The following RGS5 variants were observed in gnomAD, a reference collection of about 807,000 sequenced individuals.
RGS5 encodes the protein regulator of G-protein signalling 5.
Under a neutral mutation model 18.9 loss-of-function variants are expected in RGS5, and 20 were observed. That is an observed-to-expected ratio of 1.06 (90% CI 0.74 to 1.54). The LOEUF (loss-of-function observed/expected upper bound fraction) is 1.54, where lower values mean the gene tolerates loss of function less well. Among genes scored for constraint, RGS5 ranks in the 40% most tolerant of loss-of-function variants. The pLI is 0.00. For synonymous variants in RGS5, 57 were observed against 76.2 expected, an observed-to-expected ratio of 0.75 and a Z score of 1.31; for missense variants, 201 against 211.8, an observed-to-expected ratio of 0.95 and a Z score of 0.32.
At chr1:163,304,978 C>G (rs968132657) in intron 2 of RGS5, 1 of 152,226 alleles carries the variant, frequency 6.6e-6, no homozygotes, top group Non-Finnish European at 1.5e-5. Context: ...TCCAACCATG[C>G]TATCTTAAAC....
At chr1:163,199,276 A>G (rs1659687066) in intron 1 of RGS5, among the ~76,000 whole-genome samples, 1 of 152,176 alleles carries the variant, frequency 6.6e-6, no homozygotes, top group Non-Finnish European at 1.5e-5. Flanking sequence ...TGCCTCTTTA[A>G]ACATATAAAA....
intron 4 of RGS5, among the ~76,000 whole-genome samples, chr1:163,149,705 A>C (rs1158219831): frequency 2.0e-5 from 3 of 152,186 alleles, no homozygotes; most frequent in African/African-American, 7.2e-5. Context: ...AATTTTTACC[A>C]TTGTATCTCT....
At chr1:163,244,924 T>A (rs1019589257) in intron 2 of RGS5, 11 of 152,204 alleles carry the variant, frequency 7.2e-5, no homozygotes, top group Non-Finnish European at 1.5e-4. Context: ...ACTTTTCAGA[T>A]AACACCCACT....
chr1:163,168,168 G>A (rs1232350935), intron 2 of RGS5, 90 bp downstream of exon 2: 2 of 918,294 alleles, frequency 2.2e-6, no homozygotes, highest in Non-Finnish European at 3.5e-6. Flanking sequence ...TAATTGAAGG[G>A]GGTAGTTCTA....
intron 3 of RGS5, among the ~76,000 whole-genome samples, chr1:163,159,068 C>T (rs1657697816): frequency 6.6e-6 from 1 of 152,212 alleles, no homozygotes; most frequent in Non-Finnish European, 1.5e-5. Flanking sequence ...CTCTGTTCCA[C>T]CCGGCTCACC....
At chr1:163,283,284 TTGAA>T (rs1409644240) in intron 2 of RGS5, among the ~76,000 whole-genome samples, 8 of 152,180 alleles carry the variant, frequency 5.3e-5, no homozygotes, top group African/African-American at 1.9e-4. Context: ...AAGACAGGAT[TTGAA>T]TGTTTGAATG....
At chr1:163,163,259 T>G (rs575898997) in intron 2 of RGS5, among the ~76,000 whole-genome samples, 3 of 152,350 alleles carry the variant, frequency 2.0e-5, no homozygotes, top group African/African-American at 7.2e-5. Context: ...GTCCTGATTA[T>G]ATGATTTTTC....
At chr1:163,222,497 G>C (rs1395868902), upstream of RGS5, among the ~76,000 whole-genome samples, 3 of 152,118 alleles carry the variant, frequency 2.0e-5, no homozygotes, top group African/African-American at 7.2e-5. Flanking sequence ...CACCGTGACT[G>C]GTGGACCAAA....
rs974792041 is a variant in RGS5 at position 163,189,852 on chromosome 1, C to G, written c.44+12940G>C. ...TCCTAGAAACAGGAGTCTCATGCAC[C>G]GTGGTACCAAAACCCACTGGTAAAG... On this transcript the variant is annotated intron_variant, in intron 1 of 4. Coordinates refer to ENST00000313961, the MANE Select transcript of RGS5 (RefSeq NM_003617.4). Among the ~76,000 whole-genome samples, 4 of 152,026 alleles carry G rather than the reference C, an allele frequency of 2.6e-5. No homozygotes were observed. In the East Asian group the frequency reaches 7.7e-4, roughly 29 times the overall value.
At chr1:163,308,862 G>C (rs1383588712) in intron 1 of RGS5, among the ~76,000 whole-genome samples, 1 of 152,178 alleles carries the variant, frequency 6.6e-6, no homozygotes, top group African/African-American at 2.4e-5. Flanking sequence ...GTTTCTCAGT[G>C]CATATAAAGA....
At chr1:163,230,979 G>T (rs1327422204) in intron 2 of RGS5, among the ~76,000 whole-genome samples, 1 of 152,068 alleles carries the variant, frequency 6.6e-6, no homozygotes, top group Non-Finnish European at 1.5e-5. Flanking sequence ...GGCAACACTA[G>T]ACTTTAAATG....
upstream of RGS5, among the ~76,000 whole-genome samples, chr1:163,204,177 G>A (rs774727603): frequency 1.3e-5 from 2 of 151,964 alleles, no homozygotes; most frequent in Non-Finnish European, 2.9e-5. Context: ...CAAGTGCATC[G>A]GATGTAAAAA....
At chr1:163,149,092 CATT>C (rs1657270073) in intron 4 of RGS5, among the ~76,000 whole-genome samples, 1 of 152,172 alleles carries the variant, frequency 6.6e-6, no homozygotes, top group Non-Finnish European at 1.5e-5. Context: ...CGTTGAGCTA[CATT>C]AAGATTTTCC....
intron 2 of RGS5, among the ~76,000 whole-genome samples, chr1:163,261,878 C>T (rs921363929): frequency 4.0e-5 from 6 of 149,696 alleles, no homozygotes; most frequent in African/African-American, 1.5e-4. Flanking sequence ...TCTTTGCATT[C>T]CTATTTTTTT....
chr1:163,293,078 A>G (rs1221595648), intron 2 of RGS5, among the ~76,000 whole-genome samples: 1 of 152,182 alleles, frequency 6.6e-6, no homozygotes, highest in Non-Finnish European at 1.5e-5. Flanking sequence ...GTCTTCATCA[A>G]GAAATCTTTG....
At chr1:163,204,309 C>CCA (rs10616125), upstream of RGS5, among the ~76,000 whole-genome samples, 4,482 of 145,030 alleles carry the variant, frequency 0.031, 70 homozygotes, top group East Asian at 0.078. Context: ...TGGCTCTAAA[C>CCA]CACACACACA....
chr1:163,309,436 T>C (rs1268666968), intron 1 of RGS5, among the ~76,000 whole-genome samples: 2 of 152,244 alleles, frequency 1.3e-5, no homozygotes, highest in South Asian at 2.1e-4. Context: ...TCTAAATCCT[T>C]TGCTGTCATT....
upstream of RGS5, among the ~76,000 whole-genome samples, chr1:163,204,672 G>A (rs188580607): frequency 6.6e-6 from 1 of 152,160 alleles, no homozygotes; most frequent in Admixed American, 6.5e-5. Flanking sequence ...TAAACAAACT[G>A]TCCAAGTTCC....
chr1:163,232,822 T>C (rs901677199), intron 2 of RGS5, among the ~76,000 whole-genome samples: 3 of 151,962 alleles, frequency 2.0e-5, no homozygotes, highest in Non-Finnish European at 4.4e-5. Context: ...ATGGAGAAAA[T>C]AAGAATAATT....
Sources: gnomAD v4.1 joint callset for allele counts (sites outside exome capture counted in the v4.1 genomes callset) on GRCh38, gnomAD v4.1.1 for gene constraint, MANE v1.5 for transcripts, NCBI Gene and HGNC (gene_info 2026-07-23, HGNC 2026-07-21) for gene names.